The following SNCAIP variants were observed in gnomAD, a reference collection of about 807,000 sequenced individuals.
SNCAIP encodes synuclein alpha interacting protein.
SNCAIP carries 43 observed loss-of-function variants against 86.7 expected under a neutral mutation model. That is an observed-to-expected ratio of 0.50 (90% CI 0.39 to 0.64). SNCAIP has a LOEUF of 0.64. Ranked by LOEUF, SNCAIP falls within the 30% of genes least tolerant of loss-of-function variation. The probability of loss-of-function intolerance (pLI) is 0.00; values close to 1 mark genes in which losing one functional copy is unlikely to be tolerated. For missense variants in SNCAIP, 981 were observed against 1,103.1 expected (o/e 0.89, Z 1.57); for synonymous variants, 417 against 427.2 (o/e 0.98, Z 0.29).
At chr5:122,365,352 G>A (rs745376247) in intron 1 of SNCAIP, among the ~76,000 whole-genome samples, 52 of 152,154 alleles carry the variant, frequency 3.4e-4, no homozygotes, top group Admixed American at 1.0e-3. Context: ...GTGGGATACC[G>A]TCTACGGCTA....
intron 2 of SNCAIP, among the ~76,000 whole-genome samples, chr5:122,399,498 A>G (rs1362185183): frequency 6.6e-6 from 1 of 152,164 alleles, no homozygotes; most frequent in Non-Finnish European, 1.5e-5. Context: ...TTAAATATAA[A>G]ATGATTTATT....
chr5:122,312,170 G>C (rs1227053141), upstream of SNCAIP: 7 of 151,124 alleles, frequency 4.6e-5, 1 homozygote, highest in East Asian at 1.2e-3. Context: ...CCGCGGCAGC[G>C]CCTCCACCGC....
chr5:122,400,205 T>C (rs1771501261), intron 2 of SNCAIP, among the ~76,000 whole-genome samples: 1 of 151,510 alleles, frequency 6.6e-6, no homozygotes, highest in Non-Finnish European at 1.5e-5. Flanking sequence ...AAGTAGACAA[T>C]GCGAGATGAG....
At chr5:122,434,234 A>C (rs1354526234) in intron 6 of SNCAIP, among the ~76,000 whole-genome samples, 1 of 152,216 alleles carries the variant, frequency 6.6e-6, no homozygotes, top group Non-Finnish European at 1.5e-5. Flanking sequence ...AAGGAATTTT[A>C]AGTATCAGTG....
rs304384 is a variant in SNCAIP, at chr5:122,422,702, A to C, written c.131-166A>C. Among the ~76,000 whole-genome samples, 65,649 of 151,810 alleles carry C rather than the reference A, an allele frequency of 0.43. 14,445 individuals are homozygous for C. Among genetic ancestry groups the C allele is most frequent in the East Asian group, 0.66 (3,381 of 5,152 alleles). Reference sequence around the variant, plus strand: ...CTTCTTTGATCATTCACTGTTTTCCAATGGTAAGTATGATTTTTTTTGTTC... The same window carrying C: ...CTTCTTTGATCATTCACTGTTTTCCCATGGTAAGTATGATTTTTTTTGTTC... On this transcript the variant is annotated intron_variant, in intron 3 of 10. Coordinates refer to ENST00000261368, the MANE Select transcript of SNCAIP (RefSeq NM_005460.4).
intron 2 of SNCAIP, among the ~76,000 whole-genome samples, chr5:122,391,760 T>C (rs1337001951): frequency 6.6e-6 from 1 of 152,106 alleles, no homozygotes; most frequent in Non-Finnish European, 1.5e-5. Flanking sequence ...GGCTGATGAG[T>C]CTCTTAATTC....
At chr5:122,369,279 A>G (rs11241642) in intron 1 of SNCAIP, among the ~76,000 whole-genome samples, 31,497 of 152,114 alleles carry the variant, frequency 0.21, 4,232 homozygotes, top group African/African-American at 0.39. Context: ...TGAAGGCAGT[A>G]TGTTTTATTT....
chr5:122,430,339 A>G (rs938093490), intron 5 of SNCAIP, among the ~76,000 whole-genome samples: 2 of 152,310 alleles, frequency 1.3e-5, no homozygotes, highest in South Asian at 2.1e-4. Flanking sequence ...TTTGTCTGAC[A>G]GAGTTATTGC....
intron 1 of SNCAIP, among the ~76,000 whole-genome samples, chr5:122,331,808 A>C (rs1755401945): frequency 6.6e-6 from 1 of 152,196 alleles, no homozygotes; most frequent in Non-Finnish European, 1.5e-5. Context: ...CTAACTTAAC[A>C]TGTCATGTTT....
chr5:122,386,785 A>G (rs1163861929), intron 1 of SNCAIP, among the ~76,000 whole-genome samples: 1 of 149,904 alleles, frequency 6.7e-6, no homozygotes, highest in African/African-American at 2.5e-5. Flanking sequence ...ACCTTTCTCA[A>G]CTCACCCTCC....
chr5:122,421,028 T>C (rs930427496), intron 3 of SNCAIP, among the ~76,000 whole-genome samples: 1 of 152,214 alleles, frequency 6.6e-6, no homozygotes. Flanking sequence ...CAAATTCACA[T>C]ACTAGCATTT....
chr5:122,389,680 G>A (rs906596024), intron 1 of SNCAIP: 1 of 152,070 alleles, frequency 6.6e-6, no homozygotes, highest in African/African-American at 2.4e-5. Flanking sequence ...TTCATTGTAA[G>A]CCTTACTGTG....
intron 3 of SNCAIP, among the ~76,000 whole-genome samples, chr5:122,411,077 T>G (rs1397599021): frequency 3.9e-5 from 6 of 152,198 alleles, no homozygotes; most frequent in Admixed American, 3.9e-4. Flanking sequence ...GGTTTATTTT[T>G]ACTGGACTCA....
At chr5:122,327,721 C>T (rs1351612954) in intron 1 of SNCAIP, among the ~76,000 whole-genome samples, 1 of 152,144 alleles carries the variant, frequency 6.6e-6, no homozygotes, top group African/African-American at 2.4e-5. Context: ...ATAAAGTACC[C>T]AGTCTCAGAT....
intron 3 of SNCAIP, among the ~76,000 whole-genome samples, chr5:122,422,548 T>C (rs1230812286): frequency 2.0e-5 from 3 of 152,196 alleles, no homozygotes; most frequent in Non-Finnish European, 4.4e-5. Context: ...GTGACAAATA[T>C]AAAAATATTG....
chr5:122,395,510 A>G (rs144391174), intron 2 of SNCAIP, among the ~76,000 whole-genome samples: 1,726 of 152,292 alleles, frequency 0.011, 15 homozygotes, highest in Non-Finnish European at 0.016. Context: ...TGCAACCTAG[A>G]GTAATGGCAA....
chr5:122,357,237 A>T (rs1237383930), intron 1 of SNCAIP, among the ~76,000 whole-genome samples: 1 of 151,424 alleles, frequency 6.6e-6, no homozygotes, highest in African/African-American at 2.4e-5. Flanking sequence ...ATTTTTATTT[A>T]TTTATTTATT....
In SNCAIP at chr5:122,422,978, C is replaced by G; in HGVS notation, c.241C>G (p.Pro81Ala). 6.2e-7 allele frequency: 1 copy of G among 1,614,174 alleles called. No homozygotes were observed. The highest frequency in any genetic ancestry group is 8.5e-7 in the Non-Finnish European group (1 of 1,180,020). ...SKFRPVKRVSPLKHQPETLEN... is the reference protein window; with the variant it reads ...SKFRPVKRVSALKHQPETLEN... ...GTTCCGCCCAGTGAAGCGGGTTTCG[C>G]CACTGAAACATCAGCCAGAGACTCT... The change falls in exon 4 of 11, where the codon CCA becomes GCA. Residue 81 changes from proline to alanine, a missense_variant. Pro to Ala is a conservative substitution (Grantham distance 27, BLOSUM62 -1). Transcript: ENST00000261368.
chr5:122,439,292 C>A (rs1253949127), intron 6 of SNCAIP, among the ~76,000 whole-genome samples: 2 of 152,148 alleles, frequency 1.3e-5, no homozygotes, highest in Non-Finnish European at 2.9e-5. Flanking sequence ...TCTCTAGGGA[C>A]CCTTGAGGGT....
Sources: gnomAD v4.1 joint callset for allele counts (sites outside exome capture counted in the v4.1 genomes callset) on GRCh38, gnomAD v4.1.1 for gene constraint, MANE v1.5 for transcripts, NCBI Gene and HGNC (gene_info 2026-07-23, HGNC 2026-07-21) for gene names.